The following TMEM252 variants were observed in gnomAD, a reference collection of about 807,000 sequenced individuals.
The protein encoded by TMEM252 is transmembrane protein C9orf71.
A neutral mutation model predicts 6.4 loss-of-function variants in TMEM252; 4 were observed. The ratio of observed to expected loss-of-function variants is 0.62; its 90% CI spans 0.31 to 1.43. The LOEUF (loss-of-function observed/expected upper bound fraction) is 1.43, where lower values mean the gene tolerates loss of function less well. Among genes scored for constraint, TMEM252 ranks in the 40% most tolerant of loss-of-function variants. TMEM252 has a pLI of 0.07. For synonymous variants in TMEM252, 85 were observed against 82.5 expected (o/e 1.03, Z -0.17); for missense variants, 207 against 209.4 (o/e 0.99, Z 0.07).
chr9:68,540,757 T>C lies in TMEM252; in HGVS notation c.58A>G (p.Met20Val). The change falls in exon 1 of 2, where the codon ATG becomes GTG. Residue 20 changes from methionine (M) to valine (V), a missense_variant. Coordinates refer to ENST00000377311, the MANE Select transcript of TMEM252 (RefSeq NM_153237.2). ...CALALLMGFLMVCLGAFFISW... is the reference protein window; with the variant it reads ...CALALLMGFLVVCLGAFFISW... The stretch of plus-strand genomic sequence containing the variant: ...ATGAAGAAGGCCCCCAGGCAGACCA[T>C]CAGGAAACCCATCAGGAGGGCAAGA... 1 of 1,614,014 alleles carries C rather than the reference T, an allele frequency of 6.2e-7. No homozygotes were observed. The highest frequency in any genetic ancestry group is 8.5e-7 in the Non-Finnish European group (1 of 1,179,994).
rs1020891174 is a variant in TMEM252, at chr9:68,536,603, A to G, written c.*656T>C. 1.3e-5 allele frequency: 2 copies of G among 152,192 alleles called. No homozygotes were observed. Among genetic ancestry groups the G allele is most frequent in the African/African-American group, 4.8e-5 (2 of 41,450 alleles). The allele number at this position is 152,192 out of a possible 1,614,324, so 9.4% of individuals were successfully genotyped here. ...TCTTTTAAGAAACAGCTCATTTAATATTTTGTGTTTGAACCATCTTGAAGG... is the reference window on the plus strand; with the variant it reads ...TCTTTTAAGAAACAGCTCATTTAATGTTTTGTGTTTGAACCATCTTGAAGG... On this transcript the variant is annotated 3_prime_UTR_variant, in exon 2 of 2. Transcript: ENST00000377311.
Position 68,537,243 on chromosome 9 carries a change from G to A in TMEM252, c.*16C>T. On this transcript the variant is annotated 3_prime_UTR_variant, in exon 2 of 2. Coordinates refer to ENST00000377311, the MANE Select transcript of TMEM252 (RefSeq NM_153237.2). ...CACAGTGGTGGCATCATGAGTGCTG[G>A]AGAGCTTTCTCTGCCTCAGCACTCT... 1 of 1,596,554 alleles carries A rather than the reference G, an allele frequency of 6.3e-7. No individual in the cohort carries two copies. The highest frequency in any genetic ancestry group is 1.7e-4 in the Middle Eastern group (1 of 5,918).
In TMEM252 at chr9:68,537,460, G is replaced by C. The variant is rs747477601; in HGVS notation, c.312C>G (p.Ser104Arg). Reference protein sequence around the residue: ...PDFYPPAYEESLEVEKQSCPA... With the variant: ...PDFYPPAYEERLEVEKQSCPA... ...GACAGCTCTGCTTTTCCACCTCAAGGCTCTCTTCATAAGCTGGAGGGTAAA... is the reference window on the plus strand; with the variant it reads ...GACAGCTCTGCTTTTCCACCTCAAGCCTCTCTTCATAAGCTGGAGGGTAAA... The change falls in exon 2 of 2, where the codon AGC becomes AGG. Residue 104 changes from serine (S) to arginine (R), a missense_variant. By Grantham distance (110) the Ser-to-Arg change is moderately radical. Transcript: ENST00000377311. The C allele has an allele frequency of 1.9e-5, 30 of 1,602,434 alleles. 1 individual carries two copies. The highest frequency in any genetic ancestry group is 1.4e-4 in the South Asian group (12 of 88,642).
chr9:68,537,221 A>G lies in TMEM252; in HGVS notation c.*38T>C, dbSNP rs1455017392. ...TTTATTATCAGTAGCTGCTCCCCAC[A>G]GTGGTGGCATCATGAGTGCTGGAGA... On this transcript the variant is annotated 3_prime_UTR_variant, in exon 2 of 2. Transcript: ENST00000377311. The G allele has an allele frequency of 2.6e-6, 4 of 1,562,080 alleles. No homozygotes were observed. The highest frequency in any genetic ancestry group is 1.7e-6 in the Non-Finnish European group (2 of 1,144,806).
At position 68,537,024 on chromosome 9, in the gene TMEM252, G is replaced by C; in HGVS notation, c.*235C>G. On this transcript the variant is annotated 3_prime_UTR_variant, in exon 2 of 2. Coordinates refer to ENST00000377311, the MANE Select transcript of TMEM252 (RefSeq NM_153237.2). ...CCAAGGCCAGCCGGGGTTAAGATTA[G>C]TGTGAATGCTCTGAAATGTCTGCTT... The C allele has an allele frequency of 4.2e-6, 2 of 477,832 alleles. No homozygotes were observed. Among genetic ancestry groups the C allele is most frequent in the South Asian group, 5.7e-5 (2 of 34,916 alleles). 29.6% of individuals were successfully genotyped at this position (477,832 alleles called of 1,614,324 possible). A position where few individuals can be genotyped will look rare whatever the true frequency, so the allele number is the denominator to read the frequency against.
intron 1 of TMEM252, among the ~76,000 whole-genome samples, chr9:68,540,205 G>C (rs1388311485): frequency 4.6e-5 from 7 of 152,200 alleles, no homozygotes; most frequent in Admixed American, 3.3e-4. Context: ...GTTATGGGAA[G>C]TAACTAACCA....
intron 1 of TMEM252, among the ~76,000 whole-genome samples, chr9:68,539,485 T>A (rs1447404289): frequency 6.6e-6 from 1 of 152,264 alleles, no homozygotes; most frequent in East Asian, 1.9e-4. Flanking sequence ...ACCACTGTTC[T>A]ACTTTCTGTG....
intron 1 of TMEM252, among the ~76,000 whole-genome samples, chr9:68,538,640 G>A (rs78808341): frequency 7.9e-5 from 12 of 152,196 alleles, no homozygotes; most frequent in Admixed American, 3.3e-4. Context: ...TTCCATCATC[G>A]GAGACCCATT....
rs753098584 is a variant in TMEM252, at chr9:68,540,591, T to G, written c.224A>C (p.His75Pro). The G allele has an allele frequency of 6.2e-7, 1 of 1,614,244 alleles. No homozygotes were observed. Among genetic ancestry groups the G allele is most frequent in the South Asian group, 1.1e-5 (1 of 91,086 alleles). ...ATGAGCAAGGTGTTGTCGGAGCATGTGCCTCAACACTCCTTTGCTTTCAGT... is the reference window on the plus strand; with the variant it reads ...ATGAGCAAGGTGTTGTCGGAGCATGGGCCTCAACACTCCTTTGCTTTCAGT... Reference protein sequence around the residue: ...QVTESKGVLRHMLRQHLAHGA... With the variant: ...QVTESKGVLRPMLRQHLAHGA... Residue 75 changes from histidine to proline, a missense_variant, in exon 1 of 2, where the codon CAC (histidine) becomes CCC (proline). His to Pro is a moderately conservative substitution (Grantham distance 77). Transcript: ENST00000377311.
At chr9:68,539,054 AATT>A (rs1449741604) in intron 1 of TMEM252, among the ~76,000 whole-genome samples, 2 of 152,204 alleles carry the variant, frequency 1.3e-5, no homozygotes. Flanking sequence ...TGGTTTTCAT[AATT>A]ATTATCTTAT....
intron 1 of TMEM252, 31 bp downstream of exon 1, chr9:68,540,506 C>A: frequency 6.2e-7 from 1 of 1,609,910 alleles, no homozygotes; most frequent in South Asian, 1.1e-5. Flanking sequence ...CATCTCAGCC[C>A]TTCTTGGTCC....
chr9:68,538,512 A>G (rs1825167846), intron 1 of TMEM252, among the ~76,000 whole-genome samples: 1 of 152,236 alleles, frequency 6.6e-6, no homozygotes, highest in African/African-American at 2.4e-5. Context: ...CAGAAAGGTG[A>G]GATGTTCCCT....
chr9:68,540,333 C>T (rs773375370), intron 1 of TMEM252, among the ~76,000 whole-genome samples: 11 of 152,090 alleles, frequency 7.2e-5, no homozygotes, highest in Non-Finnish European at 1.5e-4. Flanking sequence ...GATGAGTTGC[C>T]CCTGCGTCAT....
chr9:68,539,579 A>G (rs371342662), intron 1 of TMEM252, among the ~76,000 whole-genome samples: 42 of 152,386 alleles, frequency 2.8e-4, no homozygotes, highest in African/African-American at 9.1e-4. Context: ...TTCACTTAGC[A>G]TAATGTTTTC....
At chr9:68,540,062 CACCTAAAAGG>C (rs1204931325) in intron 1 of TMEM252, among the ~76,000 whole-genome samples, 1 of 152,212 alleles carries the variant, frequency 6.6e-6, no homozygotes, top group Non-Finnish European at 1.5e-5. Context: ...GAGATCACAA[CACCTAAAAGG>C]ACAGTAAACT....
At position 68,537,176 on chromosome 9, in the gene TMEM252, C is replaced by T; in HGVS notation, c.*83G>A. ...TGGGGTCCCTGGTGTGGCTTTTCCTCCCACAGTCCCTCGTTTGCCTTTATT... is the reference window on the plus strand; with the variant it reads ...TGGGGTCCCTGGTGTGGCTTTTCCTTCCACAGTCCCTCGTTTGCCTTTATT... On this transcript the variant is annotated 3_prime_UTR_variant, in exon 2 of 2. Transcript: ENST00000377311. The T allele has an allele frequency of 7.9e-7, 1 of 1,263,136 alleles. No individual in the cohort carries two copies. The highest frequency in any genetic ancestry group is 1.1e-6 in the Non-Finnish European group (1 of 911,954). The allele number at this position is 1,263,136 out of a possible 1,614,324, so 78.2% of individuals were successfully genotyped here. A position where few individuals can be genotyped will look rare whatever the true frequency, so the allele number is the denominator to read the frequency against.
At position 68,537,048 on chromosome 9, in the gene TMEM252, T is replaced by C; in HGVS notation, c.*211A>G. 1 of 513,542 alleles carries C rather than the reference T, an allele frequency of 1.9e-6. No homozygotes were observed. Among genetic ancestry groups the C allele is most frequent in the South Asian group, 2.7e-5 (1 of 36,634 alleles). 31.8% of individuals were successfully genotyped at this position (513,542 alleles called of 1,614,324 possible). A position where few individuals can be genotyped will look rare whatever the true frequency, so the allele number is the denominator to read the frequency against. ...AGTGTGAATGCTCTGAAATGTCTGC[T>C]TGGTGTTGGCCACACCCTTCCAGGG... On this transcript the variant is annotated 3_prime_UTR_variant, in exon 2 of 2. Transcript: ENST00000377311.
At chr9:68,539,331 AAT>A (rs1347158334) in intron 1 of TMEM252, among the ~76,000 whole-genome samples, 1 of 152,142 alleles carries the variant, frequency 6.6e-6, no homozygotes, top group African/African-American at 2.4e-5. Flanking sequence ...CTTGTGGTAA[AAT>A]ATATATGACA....
At chr9:68,537,716 A>G (rs1825158663) in intron 1 of TMEM252, among the ~76,000 whole-genome samples, 1 of 152,074 alleles carries the variant, frequency 6.6e-6, no homozygotes, top group African/African-American at 2.4e-5. Context: ...CTCTAGTCAC[A>G]TTTTTTTCCC....
Sources: gnomAD v4.1 joint callset for allele counts (sites outside exome capture counted in the v4.1 genomes callset) on GRCh38, gnomAD v4.1.1 for gene constraint, MANE v1.5 for transcripts, NCBI Gene and HGNC (gene_info 2026-07-23, HGNC 2026-07-21) for gene names.